CFAP54: variants seen among roughly 807,000 people sequenced by gnomAD.
CFAP54 encodes cilia- and flagella-associated protein 54.
Under a neutral mutation model 370.4 loss-of-function variants are expected in CFAP54, and 290 were observed. That is an observed-to-expected ratio of 0.78 (90% confidence interval 0.71 to 0.86). CFAP54 has a LOEUF of 0.86. CFAP54 is among the 40% of genes least tolerant of loss of function. CFAP54 has a pLI of 0.00. For missense variants in CFAP54, 3,399 were observed against 3,528.7 expected (o/e 0.96, Z 0.93); for synonymous variants, 1,206 against 1,236.5 (o/e 0.98, Z 0.52).
chr12:96,810,990 A>C (rs1373442985), intron 63 of CFAP54, among the ~76,000 whole-genome samples: 2 of 152,088 alleles, frequency 1.3e-5, no homozygotes, highest in Non-Finnish European at 2.9e-5. Flanking sequence ...CTTGGTTCTG[A>C]GGTAGTTTCT....
In CFAP54 at chr12:96,798,966, C is replaced by G. The variant is rs191569467; in HGVS notation, c.8850+6467C>G. Among the ~76,000 whole-genome samples, 8 of 152,170 alleles carry G rather than the reference C, an allele frequency of 5.3e-5. No homozygotes were observed. The East Asian group carries it at 1.5e-3, about 29-fold the overall frequency. On this transcript the variant is annotated intron_variant, in intron 63 of 67. Transcript: ENST00000524981. ...CAAATAAGAGAAAACCTTAGTTTGC[C>G]TCTAAATGCAGTTTACATATTTGTA...
intron 14 of CFAP54, among the ~76,000 whole-genome samples, chr12:96,545,512 G>A (rs1955630461): frequency 6.6e-6 from 1 of 151,952 alleles, no homozygotes; most frequent in Admixed American, 6.6e-5. Context: ...AAAAAATAAA[G>A]TCACCAGTCC....
intron 66 of CFAP54, among the ~76,000 whole-genome samples, chr12:96,858,289 A>G (rs895355462): frequency 2.6e-5 from 4 of 152,128 alleles, no homozygotes; most frequent in Admixed American, 6.6e-5. Context: ...GGGTGCATGT[A>G]TGTCTTCTTT....
At chr12:96,764,903 T>C (rs1237710046) in intron 59 of CFAP54, among the ~76,000 whole-genome samples, 174 bp from the exon 60 acceptor site, 1 of 152,248 alleles carries the variant, frequency 6.6e-6, no homozygotes, top group African/African-American at 2.4e-5. Context: ...TTGACTATGA[T>C]ATATTCTACA....
At chr12:96,630,402 G>A in intron 31 of CFAP54, 149 bp from the exon 32 acceptor site, 1 of 597,436 alleles carries the variant, frequency 1.7e-6, no homozygotes. Flanking sequence ...GTCTACAGGG[G>A]TACTTCTGCT....
chr12:96,745,361 T>G (rs188886174), intron 55 of CFAP54, among the ~76,000 whole-genome samples: 1 of 152,316 alleles, frequency 6.6e-6, no homozygotes, highest in African/African-American at 2.4e-5. Flanking sequence ...GTTTTTTGAC[T>G]TTTTAATAAT....
rs534259896 is a variant in CFAP54 at position 96,611,439 on chromosome 12, A to G, written c.3640-10151A>G. On this transcript the variant is annotated intron_variant, in intron 26 of 67. Transcript: ENST00000524981. ...ACATAAAACCACAAAGATGGGGAAAAAACATAGCAGAAAAGCTGAAAATTC... is the reference window on the plus strand; with the variant it reads ...ACATAAAACCACAAAGATGGGGAAAGAACATAGCAGAAAAGCTGAAAATTC... 1.9e-4 allele frequency among the ~76,000 whole-genome samples: 29 copies of G among 152,342 alleles called. No homozygotes were observed. The East Asian group carries it at 3.9e-3, about 20-fold the overall frequency.
At chr12:96,559,700 T>C (rs1452585974) in intron 17 of CFAP54, among the ~76,000 whole-genome samples, 1 of 152,136 alleles carries the variant, frequency 6.6e-6, no homozygotes, top group Non-Finnish European at 1.5e-5. Flanking sequence ...ATCCATAGGC[T>C]GAGAAGTTGC....
chr12:96,616,829 CG>C (rs1397877940), intron 26 of CFAP54, among the ~76,000 whole-genome samples: 2 of 152,112 alleles, frequency 1.3e-5, no homozygotes, highest in Non-Finnish European at 2.9e-5. Context: ...GTGCCATTGA[CG>C]GGTTTCACAC....
At position 96,860,825 on chromosome 12, in the gene CFAP54, T is replaced by A. The variant is rs998129358; in HGVS notation, c.9178T>A (p.Phe3060Ile). 4.6e-6 allele frequency: 7 copies of A among 1,530,684 alleles called. No individual in the cohort carries two copies. The highest frequency in any genetic ancestry group is 5.2e-6 in the Non-Finnish European group (6 of 1,145,080). 94.8% of individuals were successfully genotyped at this position (1,530,684 alleles called of 1,614,324 possible). A position where few individuals can be genotyped will look rare whatever the true frequency, so the allele number is the denominator to read the frequency against. Residue 3060 changes from phenylalanine (F) to isoleucine (I), a missense_variant, in exon 67 of 68, where the codon TTT becomes ATT. Phe to Ile is a conservative substitution (Grantham distance 21, BLOSUM62 0). Transcript: ENST00000524981. The part of the protein sequence containing the change: ...KEPTPLSEVP[F>I]DISLPSIFNL... ...CTTTTATGTTTTTCCTCAGGTCCCA[T>A]TTGATATCTCACTGCCGTCTATATT...
chr12:96,854,393 G>A (rs1401107269), intron 66 of CFAP54, among the ~76,000 whole-genome samples: 2 of 152,098 alleles, frequency 1.3e-5, no homozygotes, highest in East Asian at 1.9e-4. Context: ...CTTGAGTGTA[G>A]GGAAACCCTC....
In CFAP54 at chr12:96,506,931, C is replaced by T. The variant is rs1264040725; in HGVS notation, c.571C>T (p.His191Tyr). ...TCTATTTTCCCATGTGTTTCAGTTTCATGCTTTGAGTGGCAAAAATATGTG... is the reference window on the plus strand; with the variant it reads ...TCTATTTTCCCATGTGTTTCAGTTTTATGCTTTGAGTGGCAAAAATATGTG... ...FKDKTAGLTF[H>Y]ALSGKNMCNY... The change falls in exon 4 of 68, where the codon CAT becomes TAT. Residue 191 changes from histidine (H) to tyrosine (Y), a missense_variant. By Grantham distance (83) the His-to-Tyr change is moderately conservative. Transcript: ENST00000524981. The T allele has an allele frequency of 6.5e-7, 1 of 1,529,082 alleles. No individual in the cohort carries two copies. Among genetic ancestry groups the T allele is most frequent in the South Asian group, 1.2e-5 (1 of 82,684 alleles). The allele number at this position is 1,529,082 out of a possible 1,614,324, so 94.7% of individuals were successfully genotyped here. A position where few individuals can be genotyped will look rare whatever the true frequency, so the allele number is the denominator to read the frequency against.
intron 36 of CFAP54, among the ~76,000 whole-genome samples, chr12:96,655,785 T>TA (rs1393670950): frequency 6.6e-6 from 1 of 152,094 alleles, no homozygotes. Context: ...CACATACAGT[T>TA]AAAAAAATCT....
At chr12:96,835,080 C>CTCTCTGTAGGCAGGTTGGTCTGATG (rs1959181874) in intron 66 of CFAP54, among the ~76,000 whole-genome samples, 1 of 151,966 alleles carries the variant, frequency 6.6e-6, no homozygotes, top group African/African-American at 2.4e-5. Context: ...TGGGTTGCTC[C>CTCTCTGTAGGCAGGTTGGTCTGATG]TCTCTGTAGG....
chr12:96,646,606 A>G (rs552717000), intron 33 of CFAP54: 26 of 152,352 alleles, frequency 1.7e-4, no homozygotes, highest in African/African-American at 5.8e-4. Context: ...TACTGGGTAT[A>G]TACCCAAAGG....
intron 55 of CFAP54, among the ~76,000 whole-genome samples, chr12:96,747,963 A>G (rs1958136206): frequency 6.6e-6 from 1 of 151,652 alleles, no homozygotes; most frequent in South Asian, 2.1e-4. Flanking sequence ...TGTTTTTATG[A>G]CCTTTTTTTC....
At chr12:96,665,003 A>T (rs1957062338) in intron 39 of CFAP54, among the ~76,000 whole-genome samples, 2 of 151,564 alleles carry the variant, frequency 1.3e-5, no homozygotes, top group African/African-American at 2.4e-5. Flanking sequence ...TTTTACTAGC[A>T]GACATTCTGA....
intron 1 of CFAP54, among the ~76,000 whole-genome samples, chr12:96,497,195 G>C (rs1565874497): frequency 6.6e-6 from 1 of 152,104 alleles, no homozygotes. Flanking sequence ...TCATGTAGTC[G>C]TTAAGAGCAT....
chr12:96,568,295 A>G (rs1268485016), intron 19 of CFAP54, among the ~76,000 whole-genome samples: 1 of 152,096 alleles, frequency 6.6e-6, no homozygotes, highest in African/African-American at 2.4e-5. Context: ...TTTTAATTCC[A>G]GAAAAAATTA....
Sources: allele counts gnomAD v4.1 joint callset (sites outside exome capture counted in the v4.1 genomes callset), GRCh38; gene constraint gnomAD v4.1.1; transcripts MANE v1.5; gene names NCBI Gene and HGNC (gene_info 2026-07-23, HGNC 2026-07-21).